Variants in SP110 observed in about 807,000 individuals in gnomAD.
SP110 encodes interferon-induced protein 41, 30kD.
A neutral mutation model predicts 92.7 loss-of-function variants in SP110; 62 were observed. The ratio of observed to expected loss-of-function variants is 0.67; its 90% CI spans 0.55 to 0.83. SP110 has a LOEUF of 0.83. Ranked by LOEUF, SP110 falls within the 40% of genes least tolerant of loss-of-function variation. SP110 has a pLI of 0.00. For synonymous variants in SP110, 273 were observed against 305.3 expected (o/e 0.89, Z 1.10); for missense variants, 793 against 863.9 (o/e 0.92, Z 1.03).
intron 2 of SP110, among the ~76,000 whole-genome samples, chr2:230,215,705 C>T (rs138855930): frequency 8.3e-4 from 126 of 152,292 alleles, no homozygotes; most frequent in African/African-American, 2.9e-3. Flanking sequence ...GCTCGGTCAG[C>T]GAGTCTTTGG....
intron 12 of SP110, among the ~76,000 whole-genome samples, chr2:230,183,312 GATC>G (rs1560537082): frequency 6.6e-6 from 1 of 152,224 alleles, no homozygotes; most frequent in South Asian, 2.1e-4. Context: ...AAGGTTTAGT[GATC>G]ATCCTTAATC....
intron 6 of SP110, among the ~76,000 whole-genome samples, chr2:230,210,708 G>T (rs2044373463): frequency 6.6e-6 from 1 of 152,170 alleles, no homozygotes; most frequent in Non-Finnish European, 1.5e-5. Context: ...ACAAATAAAG[G>T]CTCATCTCAC....
intron 17 of SP110, 138 bp from the exon 18 acceptor site, chr2:230,170,899 C>A: frequency 1.2e-6 from 1 of 828,040 alleles, no homozygotes; most frequent in Non-Finnish European, 2.0e-6. Flanking sequence ...AGCTATTGTT[C>A]TAGGCACTAG....
In SP110 at chr2:230,182,563, T is replaced by A. The variant is rs11892552; in HGVS notation, c.1348+1009A>T. 1.3e-5 allele frequency among the ~76,000 whole-genome samples: 2 copies of A among 151,974 alleles called. 1 individual carries two copies. The highest frequency in any genetic ancestry group is 2.9e-5 in the Non-Finnish European group (2 of 67,974). On this transcript the variant is annotated intron_variant, in intron 12 of 18. Coordinates refer to ENST00000258381, the MANE Select transcript of SP110 (RefSeq NM_080424.4). ...TTGGGTGGGTGAGCTGGGAGGCCCA[T>A]GTGAGGAGGCCCTGAGCAGGAACGA...
At chr2:230,224,470 G>T (rs369755319), upstream of SP110, among the ~76,000 whole-genome samples, 1 of 141,946 alleles carries the variant, frequency 7.0e-6, no homozygotes, top group South Asian at 2.1e-4. Context: ...GGAGGGAGAG[G>T]GAGGGAGAGA....
intron 9 of SP110, 84 bp downstream of exon 9, chr2:230,202,495 A>T: frequency 7.6e-7 from 1 of 1,309,164 alleles, no homozygotes; most frequent in Non-Finnish European, 1.1e-6. Context: ...TTGACTTTAC[A>T]TATCTACTTA....
At chr2:230,174,553 A>C (rs184501523) in intron 14 of SP110, among the ~76,000 whole-genome samples, 11 of 152,240 alleles carry the variant, frequency 7.2e-5, no homozygotes, top group Admixed American at 2.6e-4. Flanking sequence ...TACAAAAAAA[A>C]ACCAAAACCC....
rs182335265 is a variant in SP110, at chr2:230,181,784, T to C, written c.1348+1788A>G. Among the ~76,000 whole-genome samples the C allele has an allele frequency of 2.0e-3, 312 of 152,318 alleles. 1 individual carries two copies. Among genetic ancestry groups the C allele is most frequent in the Non-Finnish European group, 3.5e-3 (241 of 68,026 alleles). ...CTCATGCCAGTCAGAATGGCGATTA[T>C]TAAAAAGTTAAGAAACAACAGATGC... On this transcript the variant is annotated intron_variant, in intron 12 of 18. Transcript: ENST00000258381.
chr2:230,209,847 G>T, intron 7 of SP110, 84 bp downstream of exon 7: 1 of 831,582 alleles, frequency 1.2e-6, no homozygotes, highest in South Asian at 1.3e-5. Flanking sequence ...ACATAGTGGT[G>T]CTCTTGACAA....
intron 10 of SP110, among the ~76,000 whole-genome samples, chr2:230,197,042 C>A (rs1301665396): frequency 2.6e-5 from 4 of 152,134 alleles, no homozygotes; most frequent in African/African-American, 9.7e-5. Flanking sequence ...ATTTATAATC[C>A]TTTGGGTATA....
At chr2:230,173,747 C>T (rs984201422) in intron 14 of SP110, 1 of 152,122 alleles carries the variant, frequency 6.6e-6, no homozygotes, top group Admixed American at 6.5e-5. Context: ...CCTGTGACCC[C>T]ACCTGTGATG....
chr2:230,201,310 A>T (rs556198665), intron 9 of SP110, among the ~76,000 whole-genome samples: 1 of 152,312 alleles, frequency 6.6e-6, no homozygotes, highest in South Asian at 2.1e-4. Flanking sequence ...TGCAAGGTCA[A>T]ATTGTTTTCA....
rs750678365 is a variant in SP110, at chr2:230,183,575, T to C, written c.1345A>G (p.Arg449Gly). The change falls in exon 12 of 19, where the codon AGA (arginine) becomes GGA (glycine). Residue 449 changes from arginine (R) to glycine (G), a missense_variant. Coordinates refer to ENST00000258381, the MANE Select transcript of SP110 (RefSeq NM_080424.4). ...KRRFQKNIHR[R>G]GKPKSDTVDF... ...GCGCTGTGGCTTGCTTGCTTACCTC[T>C]TCGGTGAATATTTTTCTGAAATCTC... 1 of 1,609,336 alleles carries C rather than the reference T, an allele frequency of 6.2e-7. No individual in the cohort carries two copies. The highest frequency in any genetic ancestry group is 8.5e-7 in the Non-Finnish European group (1 of 1,175,648).
Position 230,208,174 on chromosome 2 carries a change from G to A in SP110, c.830-115C>T. The A allele has an allele frequency of 7.5e-6, 5 of 668,904 alleles. No homozygotes were observed. In the Middle Eastern group the frequency reaches 1.2e-3, roughly 161 times the overall value. 41.4% of individuals were successfully genotyped at this position (668,904 alleles called of 1,614,324 possible). On this transcript the variant is annotated intron_variant, in intron 7 of 18. Coordinates refer to ENST00000258381, the MANE Select transcript of SP110 (RefSeq NM_080424.4). The stretch of plus-strand genomic sequence containing the variant: ...AAACCACATTGCTAGAAGTTCATTG[G>A]TGACCTTAGGTGATGGTACTTCAGG...
upstream of SP110, among the ~76,000 whole-genome samples, chr2:230,222,071 C>T (rs1490549121): frequency 6.6e-6 from 1 of 151,910 alleles, no homozygotes; most frequent in Non-Finnish European, 1.5e-5. Flanking sequence ...CTACTAAAAA[C>T]ACAAAAAAAT....
intron 7 of SP110, among the ~76,000 whole-genome samples, chr2:230,209,389 G>A (rs2044221637): frequency 6.6e-6 from 1 of 152,126 alleles, no homozygotes; most frequent in South Asian, 2.1e-4. Context: ...TGACAGAAAA[G>A]CAGCTTTTGA....
rs917881182 is a variant in SP110 at position 230,166,603 on chromosome 2, A to C, written c.*2521T>G. Reference sequence around the variant, plus strand: ...ATTAAATCTATAACAAACAAAAATAAACTCCACAGAAATTTAGAAATCAAC... The same window carrying C: ...ATTAAATCTATAACAAACAAAAATACACTCCACAGAAATTTAGAAATCAAC... On this transcript the variant is annotated 3_prime_UTR_variant, in exon 19 of 19. Transcript: ENST00000258381. Among the ~76,000 whole-genome samples, 8 of 152,200 alleles carry C rather than the reference A, an allele frequency of 5.3e-5. No individual in the cohort carries two copies. Among genetic ancestry groups the C allele is most frequent in the Admixed American group, 4.6e-4 (7 of 15,268 alleles).
chr2:230,177,397 G>T, intron 14 of SP110, 141 bp downstream of exon 14: 2 of 939,044 alleles, frequency 2.1e-6, no homozygotes, highest in Non-Finnish European at 3.4e-6. Context: ...GTCACCCACA[G>T]TTTTTTTTCT....
At chr2:230,174,163 G>A (rs533333908) in intron 14 of SP110, 24 of 152,260 alleles carry the variant, frequency 1.6e-4, no homozygotes, top group African/African-American at 5.8e-4. Flanking sequence ...CCCAGGCATA[G>A]TACAGGGATC....
Sources: allele counts gnomAD v4.1 joint callset (sites outside exome capture counted in the v4.1 genomes callset), GRCh38; gene constraint gnomAD v4.1.1; transcripts MANE v1.5; gene names NCBI Gene and HGNC (gene_info 2026-07-23, HGNC 2026-07-21).